The following ERGIC1 variants were observed in gnomAD, a reference collection of about 807,000 sequenced individuals.
ERGIC1 encodes endoplasmic reticulum-golgi intermediate compartment 1.
A neutral mutation model predicts 38.3 loss-of-function variants in ERGIC1; 19 were observed. That is an observed-to-expected ratio of 0.50 (90% confidence interval 0.35 to 0.73). ERGIC1 has a LOEUF of 0.73. Ranked by LOEUF, ERGIC1 falls within the 30% of genes least tolerant of loss-of-function variation. The pLI is 0.01. For synonymous variants in ERGIC1, 124 were observed against 157.6 expected (o/e 0.79, Z 1.60); for missense variants, 294 against 389.2 (o/e 0.76, Z 2.06).
At chr5:172,925,133 G>A (rs972572794) in intron 6 of ERGIC1, among the ~76,000 whole-genome samples, 1 of 152,158 alleles carries the variant, frequency 6.6e-6, no homozygotes, top group Non-Finnish European at 1.5e-5. Context: ...AGCTACTCAG[G>A]AGGCTGAGGC....
intron 9 of ERGIC1, among the ~76,000 whole-genome samples, chr5:172,939,062 C>CA (rs202216034): frequency 4.5e-3 from 638 of 141,278 alleles, no homozygotes; most frequent in African/African-American, 0.015. Flanking sequence ...GACTCCATCT[C>CA]AAAAAAAAAA....
intron 3 of ERGIC1, among the ~76,000 whole-genome samples, chr5:172,899,405 C>T (rs575467050): frequency 1.4e-5 from 2 of 141,744 alleles, no homozygotes; most frequent in African/African-American, 5.6e-5. Flanking sequence ...GCAAGCTCCG[C>T]CTCCCGAGTT....
intron 4 of ERGIC1, among the ~76,000 whole-genome samples, chr5:172,910,520 CTTTTTT>C (rs58360974): frequency 7.2e-6 from 1 of 139,010 alleles, no homozygotes; most frequent in Admixed American, 7.2e-5. Context: ...TGAATTACTT[CTTTTTT>C]TTTTTTTTTT....
Position 172,846,132 on chromosome 5 carries a change from T to C in ERGIC1, c.20+11699T>C, listed in dbSNP as rs919946467. On this transcript the variant is annotated intron_variant, in intron 1 of 9. Transcript: ENST00000393784. The surrounding 1 kb of genome is among the most constrained non-coding windows in gnomAD (Gnocchi z 4.0). The stretch of plus-strand genomic sequence containing the variant: ...GGGTCCATGGCATCCATTTGACCTC[T>C]CTGGCGATGTCGGCCTTCAGTACCT... 4.6e-5 allele frequency among the ~76,000 whole-genome samples: 7 copies of C among 152,298 alleles called. No homozygotes were observed. Among genetic ancestry groups the C allele is most frequent in the African/African-American group, 1.7e-4 (7 of 41,560 alleles).
At chr5:172,918,625 C>G (rs1271910590) in intron 5 of ERGIC1, among the ~76,000 whole-genome samples, 2 of 152,252 alleles carry the variant, frequency 1.3e-5, no homozygotes, top group East Asian at 3.9e-4. Flanking sequence ...GGACAGTGAT[C>G]TAAGTGCTGC....
chr5:172,883,219 C>T (rs1300976412), intron 1 of ERGIC1, among the ~76,000 whole-genome samples: 2 of 152,138 alleles, frequency 1.3e-5, no homozygotes, highest in East Asian at 3.9e-4. Context: ...TTCCTGTATG[C>T]CCTTTACCCA....
intron 1 of ERGIC1, among the ~76,000 whole-genome samples, chr5:172,860,389 A>G (rs903187449): frequency 6.6e-6 from 1 of 152,258 alleles, no homozygotes; most frequent in East Asian, 1.9e-4. Flanking sequence ...ACAACCAGTC[A>G]TTAGGAACAA....
intron 6 of ERGIC1, among the ~76,000 whole-genome samples, chr5:172,925,998 A>G (rs1763641967): frequency 6.6e-6 from 1 of 152,140 alleles, no homozygotes; most frequent in South Asian, 2.1e-4. Context: ...TGGGGGGCCC[A>G]CAGCTCTGGG....
chr5:172,942,343 C>A (rs970251443), intron 9 of ERGIC1, among the ~76,000 whole-genome samples: 1 of 152,114 alleles, frequency 6.6e-6, no homozygotes, highest in Non-Finnish European at 1.5e-5. Context: ...TCCCATATGC[C>A]GCCTCGGTTC....
intron 9 of ERGIC1, among the ~76,000 whole-genome samples, chr5:172,939,425 C>G (rs1305362775): frequency 6.6e-6 from 1 of 152,236 alleles, no homozygotes; most frequent in Non-Finnish European, 1.5e-5. Context: ...TATAACATGT[C>G]GTATGAAGTC....
At chr5:172,909,240 G>A (rs1176062730) in intron 3 of ERGIC1, among the ~76,000 whole-genome samples, 1 of 147,952 alleles carries the variant, frequency 6.8e-6, no homozygotes, top group Admixed American at 6.8e-5. Flanking sequence ...CGCAATCTCG[G>A]CTCACTGCAA....
At chr5:172,947,052 T>C (rs1164519020) in intron 9 of ERGIC1, among the ~76,000 whole-genome samples, 1 of 151,558 alleles carries the variant, frequency 6.6e-6, no homozygotes, top group Non-Finnish European at 1.5e-5. Context: ...GGCATGGTGG[T>C]GGGCACCTGT....
At chr5:172,848,700 T>C (rs1761336577) in intron 1 of ERGIC1, among the ~76,000 whole-genome samples, 1 of 152,104 alleles carries the variant, frequency 6.6e-6, no homozygotes, top group African/African-American at 2.4e-5. Context: ...TCAGTAAATA[T>C]TGACTGAATG....
At position 172,926,893 on chromosome 5, in the gene ERGIC1, A is replaced by G. The variant is rs1763663845; in HGVS notation, c.541+324A>G. ...TTGAACTAATTACCTAAGATCCCAC[A>G]GGGAGCTATGGCAGAACCAGGATCT... On this transcript the variant is annotated intron_variant, in intron 7 of 9. Coordinates refer to ENST00000393784, the MANE Select transcript of ERGIC1 (RefSeq NM_001031711.3). The surrounding 1 kb of genome is among the most constrained non-coding windows in gnomAD (Gnocchi z 5.2). 6.2e-6 allele frequency: 2 copies of G among 323,296 alleles called. No individual in the cohort carries two copies. Among genetic ancestry groups the G allele is most frequent in the Non-Finnish European group, 1.2e-5 (2 of 167,948 alleles). 20.0% of individuals were successfully genotyped at this position (323,296 alleles called of 1,614,324 possible). A position where few individuals can be genotyped will look rare whatever the true frequency, so the allele number is the denominator to read the frequency against.
At chr5:172,859,902 TC>T (rs1277581165) in intron 1 of ERGIC1, among the ~76,000 whole-genome samples, 2 of 152,234 alleles carry the variant, frequency 1.3e-5, no homozygotes, top group Non-Finnish European at 2.9e-5. Flanking sequence ...CTGGGTTAGC[TC>T]TGTTCTATTT....
intron 3 of ERGIC1, among the ~76,000 whole-genome samples, chr5:172,902,797 C>T (rs1399980711): frequency 1.3e-5 from 2 of 152,058 alleles, no homozygotes; most frequent in Non-Finnish European, 1.5e-5. Flanking sequence ...GCCTCACCGC[C>T]GCCTAAGTTT....
chr5:172,844,868 G>C (rs553930721), intron 1 of ERGIC1, among the ~76,000 whole-genome samples: 1 of 152,172 alleles, frequency 6.6e-6, no homozygotes, highest in Admixed American at 6.5e-5. Context: ...CTTCGTCCCC[G>C]GGGTGTCTTT....
chr5:172,946,597 G>T (rs1391848434), intron 9 of ERGIC1, among the ~76,000 whole-genome samples: 1 of 152,220 alleles, frequency 6.6e-6, no homozygotes, highest in East Asian at 1.9e-4. Flanking sequence ...AAGGTATGGT[G>T]ACCTTCTAAG....
chr5:172,914,739 G>C lies in ERGIC1; in HGVS notation c.276G>C (p.Glu92Asp), dbSNP rs1191252816. The C allele has an allele frequency of 6.2e-7, 1 of 1,614,188 alleles. No individual in the cohort carries two copies. The highest frequency in any genetic ancestry group is 1.7e-5 in the Admixed American group (1 of 60,020). ...TGGTTGGGCTTGACATTCAGGATGA[G>C]ATGGGCAGGCACGAAGTGGGCCACA... is the stretch of plus-strand genomic sequence containing the variant. ...CELVGLDIQD[E>D]MGRHEVGHID... The change falls in exon 5 of 10, where the codon GAG becomes GAC. Residue 92 changes from glutamate (E) to aspartate (D), a missense_variant. Physicochemically the swap from Glu to Asp is conservative, Grantham distance 45 (BLOSUM62 2). Coordinates refer to ENST00000393784, the MANE Select transcript of ERGIC1 (RefSeq NM_001031711.3).
Sources: gnomAD v4.1 joint callset for allele counts (sites outside exome capture counted in the v4.1 genomes callset) on GRCh38, gnomAD v4.1.1 for gene constraint, Gnocchi (gnomAD v3.1) non-coding constraint, MANE v1.5 for transcripts, NCBI Gene and HGNC (gene_info 2026-07-23, HGNC 2026-07-21) for gene names.